The following ALPK1 variants were observed in gnomAD, a reference collection of about 807,000 sequenced individuals.
The protein encoded by ALPK1 is alpha-protein kinase 1.
ALPK1 carries 110 observed loss-of-function variants against 120.6 expected under a neutral mutation model. The observed-to-expected ratio is 0.91, with a 90% CI of 0.78 to 1.07. ALPK1 has a LOEUF of 1.07. Ranked by LOEUF, ALPK1 falls within the 50% of genes least tolerant of loss-of-function variation. The pLI, the probability that ALPK1 is intolerant of heterozygous loss-of-function variation, is 0.00. For missense variants in ALPK1, 1,498 were observed against 1,483.9 expected, an observed-to-expected ratio of 1.01 and a Z score of -0.16; for synonymous variants, 582 against 560.3, an observed-to-expected ratio of 1.04 and a Z score of -0.55.
intron 5 of ALPK1, among the ~76,000 whole-genome samples, chr4:112,413,887 C>G (rs2148750733): frequency 6.6e-6 from 1 of 152,262 alleles, no homozygotes; most frequent in Middle Eastern, 3.4e-3. Context: ...CATAAAGGTC[C>G]TGGATCTTTT....
At chr4:112,399,648 G>A (rs552285003) in intron 4 of ALPK1, among the ~76,000 whole-genome samples, 1 of 152,190 alleles carries the variant, frequency 6.6e-6, no homozygotes, top group South Asian at 2.1e-4. Context: ...TGTTACATAG[G>A]TATACATGTG....
chr4:112,435,103 C>T (rs3815071), intron 11 of ALPK1, 45 bp from the exon 12 acceptor site: 515,338 of 1,573,316 alleles, frequency 0.33, 86,568 homozygotes, highest in East Asian at 0.5. Flanking sequence ...TGAATTGTAA[C>T]GTCCTTTTGA....
intron 1 of ALPK1, among the ~76,000 whole-genome samples, chr4:112,301,041 CA>C (rs199864287): frequency 1.6e-4 from 24 of 148,792 alleles, no homozygotes; most frequent in East Asian, 2.0e-4. Context: ...TTTTTTTCTA[CA>C]AAAAAAAAAT....
At chr4:112,358,217 C>T in intron 2 of ALPK1, 1 of 598,508 alleles carries the variant, frequency 1.7e-6, no homozygotes, top group Non-Finnish European at 3.1e-6. Flanking sequence ...GGCTGTCTTC[C>T]TCTGTGACCA....
chr4:112,357,950 C>T, intron 2 of ALPK1: 1 of 785,188 alleles, frequency 1.3e-6, no homozygotes. Context: ...AGGATTGCCT[C>T]CCCCGGGGTC....
chr4:112,389,847 C>T (rs897975699), intron 4 of ALPK1, among the ~76,000 whole-genome samples: 3 of 152,194 alleles, frequency 2.0e-5, no homozygotes, highest in Admixed American at 1.3e-4. Context: ...ACTTCAAGGT[C>T]ATTCTTGTCA....
At chr4:112,374,687 C>T (rs1007704986) in intron 2 of ALPK1, among the ~76,000 whole-genome samples, 9 of 152,066 alleles carry the variant, frequency 5.9e-5, no homozygotes, top group African/African-American at 2.2e-4. Flanking sequence ...TACTTCTTGA[C>T]CCATGGGCTG....
intron 5 of ALPK1, chr4:112,414,608 CAA>C (rs397975906): frequency 6.7e-4 from 98 of 146,752 alleles, no homozygotes; most frequent in Middle Eastern, 3.5e-3. Context: ...GACTTCGTCT[CAA>C]AAAAAAAAAA....
intron 1 of ALPK1, among the ~76,000 whole-genome samples, chr4:112,303,549 G>A (rs776923568): frequency 6.6e-6 from 1 of 152,010 alleles, no homozygotes; most frequent in Non-Finnish European, 1.5e-5. Flanking sequence ...CTTGGTTCAG[G>A]CCATCAGCAT....
chr4:112,350,343 G>A lies in ALPK1; in HGVS notation c.-100-27335G>A, dbSNP rs79810565. ...CATTTCCTGGCCTCATCAAAATAAT[G>A]CAATGCTTCACAGCCCTGACAATTT... On this transcript the variant is annotated intron_variant, in intron 2 of 15. Transcript: ENST00000650871. Among the ~76,000 whole-genome samples, 71 of 152,220 alleles carry A rather than the reference G, an allele frequency of 4.7e-4. No homozygotes were observed. In the East Asian group the frequency reaches 0.013, roughly 28 times the overall value.
Position 112,435,827 on chromosome 4 carries a change from G to A in ALPK1, c.3188+526G>A, listed in dbSNP as rs751015428. ...CCCGTAGCAAAAGCTACACCCAGAAGGGAATGAGTTCAGATACCACTCATA... is the reference window on the plus strand; with the variant it reads ...CCCGTAGCAAAAGCTACACCCAGAAAGGAATGAGTTCAGATACCACTCATA... On this transcript the variant is annotated intron_variant, in intron 12 of 15. Transcript: ENST00000650871. 1.3e-5 allele frequency among the ~76,000 whole-genome samples: 2 copies of A among 152,176 alleles called. 1 individual carries two copies. The highest frequency in any genetic ancestry group is 4.1e-4 in the South Asian group (2 of 4,830).
chr4:112,318,073 G>A (rs958571102), intron 2 of ALPK1, among the ~76,000 whole-genome samples: 12 of 152,158 alleles, frequency 7.9e-5, no homozygotes, highest in Non-Finnish European at 1.8e-4. Context: ...TACTAAGTGA[G>A]TAGAAAGGAA....
At chr4:112,305,057 T>G (rs1440954738) in intron 1 of ALPK1, among the ~76,000 whole-genome samples, 12 of 152,082 alleles carry the variant, frequency 7.9e-5, no homozygotes, top group Non-Finnish European at 2.9e-5. Flanking sequence ...ATCAGATGGT[T>G]GTAGAGGTGT....
At chr4:112,357,512 G>A (rs983556174) in intron 2 of ALPK1, 62 of 841,526 alleles carry the variant, frequency 7.4e-5, no homozygotes, top group Admixed American at 6.0e-4. Context: ...CACAGCATGC[G>A]CAAGCTGGTC....
At chr4:112,309,428 T>C (rs763503309) in intron 1 of ALPK1, among the ~76,000 whole-genome samples, 1 of 152,180 alleles carries the variant, frequency 6.6e-6, no homozygotes, top group African/African-American at 2.4e-5. Context: ...TTTGTTTAGC[T>C]ACTCAAGCCT....
intron 2 of ALPK1, chr4:112,357,575 C>A: frequency 6.9e-7 from 1 of 1,443,978 alleles, no homozygotes; most frequent in Non-Finnish European, 9.7e-7. Flanking sequence ...GCCCCCGGGT[C>A]CTCCTTTGCC....
chr4:112,437,521 A>G (rs968144879), intron 12 of ALPK1, among the ~76,000 whole-genome samples: 6 of 152,198 alleles, frequency 3.9e-5, no homozygotes, highest in Non-Finnish European at 8.8e-5. Context: ...CTCTGGTATC[A>G]GTCAACAAAA....
chr4:112,368,459 G>T (rs577898723), intron 2 of ALPK1, among the ~76,000 whole-genome samples: 16 of 152,016 alleles, frequency 1.1e-4, no homozygotes, highest in African/African-American at 3.9e-4. Flanking sequence ...AGTATCTGTT[G>T]TTTCTGCTTT....
chr4:112,427,604 T>A lies in ALPK1; in HGVS notation c.734T>A (p.Ile245Asn). ...LSTSLGILAD[I>N]FVSMSKNDYE... ...ACGTCGCTAGGTATACTGGCAGACATCTTTGTTTCCATGAGCAAGAACGAT... is the reference window on the plus strand; with the variant it reads ...ACGTCGCTAGGTATACTGGCAGACAACTTTGTTTCCATGAGCAAGAACGAT... The change falls in exon 9 of 16, where the codon ATC (isoleucine) becomes AAC (asparagine). Residue 245 changes from isoleucine to asparagine, a missense_variant. Transcript: ENST00000650871. The A allele has an allele frequency of 1.2e-6, 2 of 1,614,136 alleles. No homozygotes were observed. Among genetic ancestry groups the A allele is most frequent in the Non-Finnish European group, 8.5e-7 (1 of 1,179,994 alleles).
Sources: gnomAD v4.1 joint callset for allele counts (sites outside exome capture counted in the v4.1 genomes callset) on GRCh38, gnomAD v4.1.1 for gene constraint, MANE v1.5 for transcripts, NCBI Gene and HGNC (gene_info 2026-07-23, HGNC 2026-07-21) for gene names.